The following ABCA12 variants were observed in gnomAD, a reference collection of about 807,000 sequenced individuals.
ABCA12 encodes the protein glucosylceramide transporter ABCA12.
ABCA12 carries 156 observed loss-of-function variants against 293.5 expected under a neutral mutation model. The observed-to-expected ratio is 0.53, with a 90% CI of 0.47 to 0.61. ABCA12 has a LOEUF of 0.61. Among genes scored for constraint, ABCA12 ranks in the 20% least tolerant of loss-of-function variants. The pLI is 0.00. For synonymous variants in ABCA12, 1,063 were observed against 1,108.0 expected (o/e 0.96, Z 0.81); for missense variants, 2,797 against 3,090.2 (o/e 0.91, Z 2.25).
chr2:215,058,590 C>G (rs1029211710), intron 3 of ABCA12, among the ~76,000 whole-genome samples: 3 of 152,044 alleles, frequency 2.0e-5, no homozygotes, highest in African/African-American at 7.2e-5. Context: ...ATAGGCCCAT[C>G]TGATTCCAGA....
At position 215,011,860 on chromosome 2, in the gene ABCA12, G is replaced by A; in HGVS notation, c.2121+111C>T. On this transcript the variant is annotated intron_variant, in intron 16 of 52. Coordinates refer to ENST00000272895, the MANE Select transcript of ABCA12 (RefSeq NM_173076.3). ...GCTAGGTAGAAGAGTTTTCTTGTAG[G>A]TGTTGTTTTTTTTTTTTTCAATGTA... The A allele has an allele frequency of 4.3e-6, 5 of 1,153,428 alleles. No individual in the cohort carries two copies. The South Asian group carries it at 6.7e-5, about 15-fold the overall frequency. 71.4% of individuals were successfully genotyped at this position (1,153,428 alleles called of 1,614,324 possible).
intron 12 of ABCA12, 26 bp from the exon 13 acceptor site, chr2:215,019,474 T>C: frequency 1.2e-6 from 2 of 1,613,650 alleles, no homozygotes; most frequent in South Asian, 1.1e-5. Context: ...AAAGAAGAAA[T>C]TCAACTAAGT....
intron 4 of ABCA12, 59 bp from the exon 5 acceptor site, chr2:215,052,643 C>T (rs1279546428): frequency 7.2e-7 from 1 of 1,379,802 alleles, no homozygotes; most frequent in Non-Finnish European, 1.0e-6. Context: ...ATGCACAGGA[C>T]CACATGAGAA....
intron 2 of ABCA12, among the ~76,000 whole-genome samples, chr2:215,069,006 G>A (rs543699599): frequency 1.3e-5 from 2 of 151,994 alleles, no homozygotes; most frequent in African/African-American, 2.4e-5. Context: ...AGGCTGCCTC[G>A]GTGACATTTG....
intron 48 of ABCA12, among the ~76,000 whole-genome samples, chr2:214,946,436 G>A (rs999787947): frequency 1.3e-5 from 2 of 151,950 alleles, no homozygotes; most frequent in African/African-American, 4.8e-5. Flanking sequence ...CTTTACATTT[G>A]TTATTTCACA....
intron 51 of ABCA12, among the ~76,000 whole-genome samples, chr2:214,935,065 A>G (rs1401061019): frequency 6.6e-6 from 1 of 152,184 alleles, no homozygotes; most frequent in Non-Finnish European, 1.5e-5. Flanking sequence ...CTGTGACGCC[A>G]GTGCATCAGA....
chr2:215,072,011 A>G lies in ABCA12; in HGVS notation c.164-7792T>C, dbSNP rs1021569927. Reference sequence around the variant, plus strand: ...CCAGGCAAGTCTTACTTCATAGCACAGATTCTTTTCCAAGTTCAAATCCAT... The same window carrying G: ...CCAGGCAAGTCTTACTTCATAGCACGGATTCTTTTCCAAGTTCAAATCCAT... On this transcript the variant is annotated intron_variant, in intron 2 of 52. Transcript: ENST00000272895. 6.8e-4 allele frequency among the ~76,000 whole-genome samples: 103 copies of G among 152,336 alleles called. 1 individual carries two copies. Among genetic ancestry groups the G allele is most frequent in the African/African-American group, 2.4e-3 (101 of 41,582 alleles).
Position 214,978,839 on chromosome 2 carries a change from C to T in ABCA12, c.4942G>A (p.Gly1648Arg), listed in dbSNP as rs771800911. 4.6e-5 allele frequency: 75 copies of T among 1,613,832 alleles called. No individual in the cohort carries two copies. The highest frequency in any genetic ancestry group is 5.8e-5 in the Non-Finnish European group (69 of 1,179,966). The change falls in exon 32 of 53, where the codon GGG becomes AGG. Residue 1648 changes from glycine (G) to arginine (R), a missense_variant. By Grantham distance (125) the Gly-to-Arg change is moderately radical. This residue lies in a region of ABCA12 where 2,130 missense variants were observed against 2,427.0 expected (regional missense o/e 0.88). Transcript: ENST00000272895. ...GTGGTATCTGAAATGCCGTAGCACC[C>T]GATGTTGAGGTCACCCATGCCATTG... ...LDNGMGDLNI[G>R]CYGISDTTVE...
At chr2:215,054,201 G>A (rs1362519116) in intron 4 of ABCA12, among the ~76,000 whole-genome samples, 1 of 151,984 alleles carries the variant, frequency 6.6e-6, no homozygotes. Context: ...TCTGTAAAAT[G>A]GAAAATCTGG....
intron 23 of ABCA12, among the ~76,000 whole-genome samples, chr2:214,994,232 G>T (rs936176214): frequency 6.6e-6 from 1 of 151,906 alleles, no homozygotes; most frequent in Non-Finnish European, 1.5e-5. Flanking sequence ...GCGGCTAGAT[G>T]TGCTTTCTTG....
intron 2 of ABCA12, among the ~76,000 whole-genome samples, chr2:215,084,471 T>A (rs554944334): frequency 6.6e-6 from 1 of 152,252 alleles, no homozygotes; most frequent in Non-Finnish European, 1.5e-5. Context: ...ATTCTTCAAA[T>A]CCAAAGATAT....
chr2:214,946,591 T>G (rs1698589970), intron 48 of ABCA12, among the ~76,000 whole-genome samples: 2 of 152,164 alleles, frequency 1.3e-5, no homozygotes, highest in Admixed American at 1.3e-4. Context: ...ATCTGGCAGT[T>G]GAAATGATTT....
At chr2:214,951,698 A>C (rs1397713985) in intron 44 of ABCA12, among the ~76,000 whole-genome samples, 1 of 152,196 alleles carries the variant, frequency 6.6e-6, no homozygotes, top group East Asian at 1.9e-4. Context: ...CAGAGGTTGC[A>C]GTGAGCCAAG....
chr2:214,933,507 A>G (rs3886119), intron 52 of ABCA12, among the ~76,000 whole-genome samples: 5,398 of 152,276 alleles, frequency 0.035, 132 homozygotes, highest in Non-Finnish European at 0.056. Flanking sequence ...CAAACTTTCT[A>G]TATGTCATGT....
At chr2:215,027,045 T>C (rs540578947) in intron 9 of ABCA12, 107 bp from the exon 10 acceptor site, 7 of 845,594 alleles carry the variant, frequency 8.3e-6, no homozygotes, top group South Asian at 1.4e-5. Context: ...GACTTGGACA[T>C]TGAAATACTA....
intron 6 of ABCA12, among the ~76,000 whole-genome samples, chr2:215,049,212 G>C (rs751460419): frequency 6.6e-6 from 1 of 152,116 alleles, no homozygotes; most frequent in Non-Finnish European, 1.5e-5. Context: ...AACTAGGTTT[G>C]AAGTCAGTGA....
At position 214,966,945 on chromosome 2, in the gene ABCA12, A is replaced by C. The variant is rs761557390; in HGVS notation, c.5787T>G (p.Tyr1929Ter). ...GAAGGGAGTGATAGCCTTCTGGATC[A>C]TACCATACCTATTAAATTCCAAAAG... is the stretch of plus-strand genomic sequence containing the variant. ...PANRTLAKVW[Y>*]DPEGYHSLPA... The change falls in exon 39 of 53, where the codon TAT becomes TAG. Residue 1929 changes from tyrosine to a stop codon, truncating the protein, a stop_gained. Transcript: ENST00000272895. LOFTEE classifies it high-confidence loss of function. The C allele has an allele frequency of 3.7e-6, 6 of 1,613,408 alleles. No individual in the cohort carries two copies. The highest frequency in any genetic ancestry group is 4.2e-6 in the Non-Finnish European group (5 of 1,179,514).
At chr2:215,033,694 C>G (rs1700927439) in intron 8 of ABCA12, among the ~76,000 whole-genome samples, 2 of 152,170 alleles carry the variant, frequency 1.3e-5, no homozygotes, top group Non-Finnish European at 2.9e-5. Context: ...GTAATCCCAG[C>G]ATTTTGGGAG....
chr2:215,081,376 G>A (rs1440405605), intron 2 of ABCA12, among the ~76,000 whole-genome samples: 2 of 151,586 alleles, frequency 1.3e-5, no homozygotes, highest in Non-Finnish European at 2.9e-5. Flanking sequence ...TACTCTGGGT[G>A]CTGAGGCAGG....
Sources: gnomAD v4.1 joint callset for allele counts (sites outside exome capture counted in the v4.1 genomes callset) on GRCh38, gnomAD v4.1.1 for gene constraint, gnomAD v4.1.1 regional missense constraint, MANE v1.5 for transcripts, NCBI Gene and HGNC (gene_info 2026-07-23, HGNC 2026-07-21) for gene names.